ALMS1: variants seen among roughly 807,000 people sequenced by gnomAD.
ALMS1 encodes the protein centrosome-associated protein ALMS1.
In ALMS1, 271 loss-of-function variants were observed where a neutral mutation model predicts 352.2. That is an observed-to-expected ratio of 0.77 (90% CI 0.70 to 0.85). The LOEUF is 0.85. Ranked by LOEUF, ALMS1 falls within the 40% of genes least tolerant of loss-of-function variation. The pLI is 0.00. For missense variants in ALMS1, 5,445 were observed against 4,870.7 expected, an observed-to-expected ratio of 1.12 and a Z score of -3.51; for synonymous variants, 1,865 against 1,761.2, an observed-to-expected ratio of 1.06 and a Z score of -1.48.
Position 73,449,277 on chromosome 2 carries a change from T to C in ALMS1, c.2750T>C (p.Phe917Ser). The change falls in exon 8 of 23, where the codon TTT becomes TCT. Residue 917 changes from phenylalanine (F) to serine (S), a missense_variant. Coordinates refer to ENST00000613296, the MANE Select transcript of ALMS1 (RefSeq NM_001378454.1). The part of the protein sequence containing the change: ...FYSHREKPII[F>S]SQQTLPDFLF... ...TCACACAGAGAGAAGCCCATTATTT[T>C]TTCCCAGCAGACCCTGCCAGACTTT... The C allele has an allele frequency of 6.2e-7, 1 of 1,614,056 alleles. No homozygotes were observed. Among genetic ancestry groups the C allele is most frequent in the South Asian group, 1.1e-5 (1 of 91,082 alleles).
At chr2:73,464,331 C>G (rs1572947270) in intron 9 of ALMS1, among the ~76,000 whole-genome samples, 1 of 152,120 alleles carries the variant, frequency 6.6e-6, no homozygotes, top group South Asian at 2.1e-4. Flanking sequence ...ATACACAGAA[C>G]CAAAGACAAA....
intron 9 of ALMS1, among the ~76,000 whole-genome samples, chr2:73,487,602 G>A (rs569370473): frequency 9.1e-4 from 138 of 152,282 alleles, no homozygotes; most frequent in Non-Finnish European, 1.7e-3. Context: ...AGGCGGGGAG[G>A]GGGCATGTTT....
In ALMS1 at chr2:73,550,405, T is replaced by C; in HGVS notation, c.10046T>C (p.Val3349Ala). ...GTAGTGACTAAGGCATCCTTGCCAG[T>C]GGGAGAAAAACCCTTGCAGAATGAA... ...KRVVTKASLP[V>A]GEKPLQNENA... Residue 3349 changes from valine to alanine, a missense_variant, in exon 13 of 23, where the codon GTG becomes GCG. By Grantham distance (64) the Val-to-Ala change is moderately conservative. Coordinates refer to ENST00000613296, the MANE Select transcript of ALMS1 (RefSeq NM_001378454.1). The C allele has an allele frequency of 6.2e-7, 1 of 1,614,184 alleles. No individual in the cohort carries two copies. The highest frequency in any genetic ancestry group is 8.5e-7 in the Non-Finnish European group (1 of 1,180,006).
At chr2:73,562,141 TTGTATGTATGTATGTATGTA>T (rs3076386) in intron 15 of ALMS1, among the ~76,000 whole-genome samples, 1 of 151,216 alleles carries the variant, frequency 6.6e-6, no homozygotes, top group Admixed American at 6.6e-5. Context: ...GAACTTACAA[TTGTATGTATGTATGTATGTA>T]TGTATGTATG....
intron 11 of ALMS1, among the ~76,000 whole-genome samples, chr2:73,529,103 G>A (rs1415529059): frequency 1.4e-5 from 2 of 146,944 alleles, no homozygotes; most frequent in Non-Finnish European, 3.0e-5. Context: ...GAGTACAGTG[G>A]TGCAGTCTCA....
chr2:73,476,455 A>C (rs899437595), intron 9 of ALMS1, among the ~76,000 whole-genome samples: 3 of 152,030 alleles, frequency 2.0e-5, no homozygotes, highest in African/African-American at 7.2e-5. Flanking sequence ...TCTACTTTTA[A>C]GTTTTTGAGG....
intron 11 of ALMS1, among the ~76,000 whole-genome samples, chr2:73,532,369 T>C (rs1176703611): frequency 6.6e-6 from 1 of 151,990 alleles, no homozygotes; most frequent in Non-Finnish European, 1.5e-5. Flanking sequence ...CCAGAATTGC[T>C]GTCTGGGAGC....
chr2:73,513,053 G>C (rs551653683), intron 10 of ALMS1, among the ~76,000 whole-genome samples: 61 of 152,192 alleles, frequency 4.0e-4, no homozygotes, highest in African/African-American at 1.5e-3. Context: ...CTAATAGTGA[G>C]TAACCTCACT....
chr2:73,586,328 T>C lies in ALMS1; in HGVS notation c.11547+12904T>C, dbSNP rs556682904. Reference sequence around the variant, plus strand: ...GTCGTGAGCTCTTTGCCTAAGTCAATGTCTACAAGAGTTTTTCCAGTGTTA... The same window carrying C: ...GTCGTGAGCTCTTTGCCTAAGTCAACGTCTACAAGAGTTTTTCCAGTGTTA... On this transcript the variant is annotated intron_variant, in intron 16 of 22. Transcript: ENST00000613296. 5.9e-5 allele frequency among the ~76,000 whole-genome samples: 9 copies of C among 152,348 alleles called. No individual in the cohort carries two copies. In the South Asian group the frequency reaches 1.9e-3, roughly 32 times the overall value.
At chr2:73,389,612 A>G (rs997400222) in intron 1 of ALMS1, among the ~76,000 whole-genome samples, 2 of 152,178 alleles carry the variant, frequency 1.3e-5, no homozygotes, top group East Asian at 1.9e-4. Context: ...ATAGGGACCC[A>G]GAGGAGGAAT....
At position 73,600,541 on chromosome 2, in the gene ALMS1, T is replaced by C. The variant is rs922486950; in HGVS notation, c.11669-137T>C. The C allele has an allele frequency of 9.4e-6, 7 of 741,306 alleles. No individual in the cohort carries two copies. The African/African-American group carries it at 1.1e-4, about 11-fold the overall frequency. 45.9% of individuals were successfully genotyped at this position (741,306 alleles called of 1,614,324 possible). A position where few individuals can be genotyped will look rare whatever the true frequency, so the allele number is the denominator to read the frequency against. On this transcript the variant is annotated intron_variant, in intron 17 of 22. Transcript: ENST00000613296. ...TCCCCTGTCCTTCTTTCTCTTCCTC[T>C]CTCTTCGCATCCCTCCATCCCACAC...
chr2:73,460,823 A>G (rs1398678272), intron 9 of ALMS1, among the ~76,000 whole-genome samples: 3 of 152,246 alleles, frequency 2.0e-5, no homozygotes, highest in African/African-American at 4.8e-5. Context: ...TCCTACGCCC[A>G]CAGAGTCTCG....
chr2:73,448,320 C>T lies in ALMS1; in HGVS notation c.1793C>T (p.Ala598Val). Residue 598 changes from alanine to valine, a missense_variant, in exon 8 of 23, where the codon GCT (alanine) becomes GTT (valine). Transcript: ENST00000613296. The stretch of plus-strand genomic sequence containing the variant: ...CCAGACAGTCATCTAACTGAAGAGG[C>T]TTTGAAAGTTTCAGCTGCTCCTGGA... ...GLPDSHLTEE[A>V]LKVSAAPGLA... 1 of 1,614,020 alleles carries T rather than the reference C, an allele frequency of 6.2e-7. No homozygotes were observed. Among genetic ancestry groups the T allele is most frequent in the South Asian group, 1.1e-5 (1 of 91,086 alleles).
intron 15 of ALMS1, among the ~76,000 whole-genome samples, chr2:73,566,073 AG>A (rs1471426122): frequency 6.6e-6 from 1 of 152,210 alleles, no homozygotes; most frequent in Non-Finnish European, 1.5e-5. Flanking sequence ...AGGTGTTAAT[AG>A]GGGAAACTGG....
chr2:73,437,760 G>A lies in ALMS1; in HGVS notation c.1432+5469G>A, dbSNP rs1671634636. Among the ~76,000 whole-genome samples the A allele has an allele frequency of 2.6e-5, 4 of 152,162 alleles. No individual in the cohort carries two copies. In the South Asian group the frequency reaches 8.3e-4, roughly 32 times the overall value. On this transcript the variant is annotated intron_variant, in intron 7 of 22. Coordinates refer to ENST00000613296, the MANE Select transcript of ALMS1 (RefSeq NM_001378454.1). The stretch of plus-strand genomic sequence containing the variant: ...ACAGTCTTGACATCTGAAACTGCGA[G>A]GTCCTCAAAGGGCCTAACCACAAGT...
At chr2:73,454,658 A>G (rs1165735403) in intron 8 of ALMS1, among the ~76,000 whole-genome samples, 2 of 152,220 alleles carry the variant, frequency 1.3e-5, no homozygotes, top group Non-Finnish European at 2.9e-5. Flanking sequence ...GAATTCCATT[A>G]AAAACAAAAA....
chr2:73,453,896 A>C lies in ALMS1; in HGVS notation c.7369A>C (p.Thr2457Pro), dbSNP rs752899974. ...ATATGTTTCACCCAAGACAAGTATA[A>C]CAGATAGCAGGGAGGAAGAGGGTGT... The part of the protein sequence containing the change: ...FPYVSPKTSI[T>P]DSREEEGVSE... The change falls in exon 8 of 23, where the codon ACA becomes CCA. Residue 2457 changes from threonine (T) to proline (P), a missense_variant. Transcript: ENST00000613296. The C allele has an allele frequency of 6.2e-7, 1 of 1,614,128 alleles. No homozygotes were observed. Among genetic ancestry groups the C allele is most frequent in the South Asian group, 1.1e-5 (1 of 91,070 alleles).
At chr2:73,542,684 G>A (rs564940159) in intron 12 of ALMS1, among the ~76,000 whole-genome samples, 1 of 152,112 alleles carries the variant, frequency 6.6e-6, no homozygotes, top group African/African-American at 2.4e-5. Flanking sequence ...TACAAAATCA[G>A]TGTAGAAAAA....
At chr2:73,546,145 A>C (rs567259612) in intron 12 of ALMS1, among the ~76,000 whole-genome samples, 1 of 152,290 alleles carries the variant, frequency 6.6e-6, no homozygotes, top group African/African-American at 2.4e-5. Context: ...CCTCTATAGC[A>C]AGGTTTTCAC....
Sources: gnomAD v4.1 joint callset for allele counts (sites outside exome capture counted in the v4.1 genomes callset) on GRCh38, gnomAD v4.1.1 for gene constraint, MANE v1.5 for transcripts, NCBI Gene and HGNC (gene_info 2026-07-23, HGNC 2026-07-21) for gene names.